The following ESR1 variants were observed in gnomAD, a reference collection of about 807,000 sequenced individuals.
ESR1 encodes estrogen receptor.
A neutral mutation model predicts 52.7 loss-of-function variants in ESR1; 12 were observed. The observed-to-expected ratio is 0.23, with a 90% CI of 0.15 to 0.37. The LOEUF (loss-of-function observed/expected upper bound fraction) is 0.37. Among genes scored for constraint, ESR1 ranks in the 10% least tolerant of loss-of-function variants. The pLI is 1.00. For missense variants in ESR1, 584 were observed against 779.7 expected, an observed-to-expected ratio of 0.75 and a Z score of 2.99; for synonymous variants, 305 against 316.8, an observed-to-expected ratio of 0.96 and a Z score of 0.39.
chr6:151,686,391 A>G (rs1778674978), upstream of ESR1, among the ~76,000 whole-genome samples: 1 of 152,104 alleles, frequency 6.6e-6, no homozygotes, highest in Non-Finnish European at 1.5e-5. Flanking sequence ...CTGCTATAAA[A>G]ACCAGCACCT....
At chr6:151,712,467 C>T (rs990016230) in intron 2 of ESR1, among the ~76,000 whole-genome samples, 1 of 152,142 alleles carries the variant, frequency 6.6e-6, no homozygotes, top group African/African-American at 2.4e-5. Flanking sequence ...TTCTTCCTAT[C>T]CAAGAGCATC....
Position 151,665,525 on chromosome 6 carries a change from C to T in ESR1, n.73+8762C>T, listed in dbSNP as rs193171882. Among the ~76,000 whole-genome samples, 13 of 152,262 alleles carry T rather than the reference C, an allele frequency of 8.5e-5. No individual in the cohort carries two copies. The East Asian group carries it at 1.7e-3, about 20-fold the overall frequency. On this transcript the variant is annotated intron_variant and non_coding_transcript_variant, in intron 1 of 2. Transcript: ENST00000473497. ...AAGTGAAGCTCTGTCAATCTGGAGC[C>T]GCAGATTTTGACCACGTGTGCACAG...
rs184238876 is a variant in ESR1, at chr6:152,082,496, A to T, written c.1370-11889A>T. ...TAAGAGCTATTTATGACAAACCCAC[A>T]GCCAATATCATACTGAATGGGCAAA... On this transcript the variant is annotated intron_variant, in intron 6 of 7. Transcript: ENST00000206249. Among the ~76,000 whole-genome samples, 220 of 152,316 alleles carry T rather than the reference A, an allele frequency of 1.4e-3. 2 individuals carry two copies. Among genetic ancestry groups the T allele is most frequent in the African/African-American group, 5.0e-3 (207 of 41,578 alleles).
At chr6:151,959,041 C>A (rs2037347941) in intron 4 of ESR1, among the ~76,000 whole-genome samples, 1 of 150,696 alleles carries the variant, frequency 6.6e-6, no homozygotes, top group South Asian at 2.1e-4. Context: ...GCAGAGGGTG[C>A]TGCCATCAAC....
At chr6:152,049,094 C>T (rs2046461619) in intron 5 of ESR1, among the ~76,000 whole-genome samples, 1 of 152,212 alleles carries the variant, frequency 6.6e-6, no homozygotes, top group Non-Finnish European at 1.5e-5. Context: ...GAATTTTCCT[C>T]TAGGGACTTA....
intron 1 of ESR1, among the ~76,000 whole-genome samples, chr6:151,679,485 G>A (rs909200801): frequency 5.3e-5 from 8 of 151,996 alleles, no homozygotes; most frequent in African/African-American, 1.9e-4. Flanking sequence ...AAGTAGCTGG[G>A]ACTACAGGCG....
intron 1 of ESR1, among the ~76,000 whole-genome samples, chr6:151,671,970 T>C (rs939519345): frequency 2.6e-5 from 4 of 152,090 alleles, no homozygotes; most frequent in African/African-American, 4.8e-5. Flanking sequence ...CCAGCCTGGG[T>C]GACAGAGTGA....
chr6:151,991,861 T>G (rs2041057862), intron 4 of ESR1, among the ~76,000 whole-genome samples: 1 of 152,138 alleles, frequency 6.6e-6, no homozygotes. Context: ...GAGTGCCTTC[T>G]CAGGGGATCC....
At chr6:151,870,523 G>C (rs1448962197) in intron 2 of ESR1, among the ~76,000 whole-genome samples, 5 of 152,194 alleles carry the variant, frequency 3.3e-5, no homozygotes, top group Admixed American at 1.3e-4. Flanking sequence ...TGAAAGACTT[G>C]TGAATGCGAC....
intron 2 of ESR1, among the ~76,000 whole-genome samples, chr6:151,730,730 C>A (rs1782176010): frequency 6.6e-6 from 1 of 152,170 alleles, no homozygotes; most frequent in East Asian, 1.9e-4. Context: ...AACTAGACTG[C>A]TTGTGCTTCC....
At chr6:151,742,370 A>T (rs1035455827) in intron 2 of ESR1, among the ~76,000 whole-genome samples, 26 of 151,852 alleles carry the variant, frequency 1.7e-4, no homozygotes, top group Admixed American at 5.9e-4. Context: ...CTACACTGCC[A>T]CCAACAGGGT....
At chr6:152,075,190 C>T (rs1469533448) in intron 6 of ESR1, among the ~76,000 whole-genome samples, 1 of 152,196 alleles carries the variant, frequency 6.6e-6, no homozygotes, top group Non-Finnish European at 1.5e-5. Flanking sequence ...CACCCCGCAA[C>T]ATTTCTCTTG....
intron 5 of ESR1, among the ~76,000 whole-genome samples, chr6:152,056,092 C>T (rs548821617): frequency 6.6e-6 from 1 of 152,202 alleles, no homozygotes; most frequent in Admixed American, 6.5e-5. Flanking sequence ...AGAGTCTAAA[C>T]AACTTTCATT....
chr6:152,067,390 C>T (rs2128976754), intron 6 of ESR1, among the ~76,000 whole-genome samples: 1 of 152,320 alleles, frequency 6.6e-6, no homozygotes, highest in South Asian at 2.1e-4. Context: ...ATTTTCCATT[C>T]ACATTCAGCA....
chr6:152,061,374 T>TA lies in ESR1; in HGVS notation c.1369+250_1369+251insA. On this transcript the variant is annotated intron_variant, in intron 6 of 7. Coordinates refer to ENST00000206249, the MANE Select transcript of ESR1 (RefSeq NM_000125.4). This position sits in a 1 kb window ranked among gnomAD's most constrained non-coding sequence, Gnocchi z 4.3. Reference sequence around the variant, plus strand: ...CCTTTGAGCTAAAATTTTTGTATGCTTTCACAGATAGGATGTTTTTATTCA... The same window carrying TA: ...CCTTTGAGCTAAAATTTTTGTATGCTATTCACAGATAGGATGTTTTTATTCA... Among the ~76,000 whole-genome samples, 1 of 152,214 alleles carries TA rather than the reference T, an allele frequency of 6.6e-6. No homozygotes were observed. Among genetic ancestry groups the TA allele is most frequent in the African/African-American group, 2.4e-5 (1 of 41,444 alleles).
intron 3 of ESR1, among the ~76,000 whole-genome samples, chr6:151,931,595 C>A (rs2033613824): frequency 8.4e-6 from 1 of 119,526 alleles, no homozygotes; most frequent in African/African-American, 3.2e-5. Flanking sequence ...AATGCTATCC[C>A]TCCCCCCTCC....
intron 2 of ESR1, among the ~76,000 whole-genome samples, chr6:151,714,303 G>A (rs897945751): frequency 6.6e-6 from 1 of 152,188 alleles, no homozygotes; most frequent in Non-Finnish European, 1.5e-5. Context: ...TAAGAAGAAT[G>A]TATGTTCTCT....
At chr6:152,062,369 A>G (rs548896447) in intron 6 of ESR1, among the ~76,000 whole-genome samples, 4 of 152,302 alleles carry the variant, frequency 2.6e-5, no homozygotes, top group African/African-American at 9.6e-5. Context: ...CACCACTAGT[A>G]ACCTGTGTTG....
rs1013631092 is a variant in ESR1, at chr6:151,862,426, G to A, written c.644-18229G>A. Reference sequence around the variant, plus strand: ...CTGGAGTTAGTCCTGGTTGCCAAGGGTAAATGGGGCTGTTACCATGCAATG... The same window carrying A: ...CTGGAGTTAGTCCTGGTTGCCAAGGATAAATGGGGCTGTTACCATGCAATG... On this transcript the variant is annotated intron_variant, in intron 2 of 7. Transcript: ENST00000206249. Among the ~76,000 whole-genome samples the A allele has an allele frequency of 2.6e-5, 4 of 152,146 alleles. No homozygotes were observed. In the South Asian group the frequency reaches 8.3e-4, roughly 31 times the overall value.
Sources: gnomAD v4.1 joint callset for allele counts (sites outside exome capture counted in the v4.1 genomes callset) on GRCh38, gnomAD v4.1.1 for gene constraint, Gnocchi (gnomAD v3.1) non-coding constraint, MANE v1.5 for transcripts, NCBI Gene and HGNC (gene_info 2026-07-23, HGNC 2026-07-21) for gene names.